KLHL1: variants seen among roughly 807,000 people sequenced by gnomAD.
KLHL1 encodes kelch-like protein 1.
KLHL1 carries 47 observed loss-of-function variants against 77.7 expected under a neutral mutation model. The ratio of observed to expected loss-of-function variants is 0.60; its 90% CI spans 0.48 to 0.77. The LOEUF is 0.77. Among genes scored for constraint, KLHL1 ranks in the 30% least tolerant of loss-of-function variants. The pLI, the probability that KLHL1 is intolerant of heterozygous loss-of-function variation, is 0.00. For missense variants in KLHL1, 925 were observed against 910.8 expected (o/e 1.02, Z -0.20); for synonymous variants, 360 against 325.2 (o/e 1.11, Z -1.15).
chr13:69,938,882 C>T (rs752560341), intron 4 of KLHL1, among the ~76,000 whole-genome samples: 1 of 151,836 alleles, frequency 6.6e-6, no homozygotes, highest in Non-Finnish European at 1.5e-5. Flanking sequence ...TTCAAAATGG[C>T]AATCAGAATA....
intron 1 of KLHL1, among the ~76,000 whole-genome samples, chr13:70,067,539 G>T (rs959490324): frequency 1.3e-5 from 2 of 152,098 alleles, no homozygotes; most frequent in Admixed American, 6.5e-5. Flanking sequence ...CCAGGCTGTG[G>T]TTCAAATAAG....
chr13:70,054,725 T>TA (rs369139534), intron 1 of KLHL1, among the ~76,000 whole-genome samples: 4,015 of 141,750 alleles, frequency 0.028, 64 homozygotes, highest in Non-Finnish European at 0.041. Context: ...ACTGCAATAT[T>TA]AAAAAAAAAA....
At chr13:69,922,346 C>A (rs1176047825) in intron 4 of KLHL1, among the ~76,000 whole-genome samples, 1 of 151,886 alleles carries the variant, frequency 6.6e-6, no homozygotes, top group Non-Finnish European at 1.5e-5. Context: ...TGTAAGGACA[C>A]AAAGTGGTGA....
chr13:69,904,404 T>C (rs1379395923), intron 4 of KLHL1, among the ~76,000 whole-genome samples: 1 of 152,194 alleles, frequency 6.6e-6, no homozygotes, highest in Admixed American at 6.5e-5. Context: ...AATATCTTTA[T>C]AAATCTCCAA....
At chr13:70,064,512 G>A (rs1886961632) in intron 1 of KLHL1, among the ~76,000 whole-genome samples, 3 of 152,106 alleles carry the variant, frequency 2.0e-5, no homozygotes, top group Non-Finnish European at 4.4e-5. Context: ...AAAAGCTGCT[G>A]CTTCACGTTA....
At chr13:70,103,029 T>A (rs917949665) in intron 1 of KLHL1, among the ~76,000 whole-genome samples, 1 of 152,120 alleles carries the variant, frequency 6.6e-6, no homozygotes, top group African/African-American at 2.4e-5. Flanking sequence ...AGAATTTTTT[T>A]AAAAAGTAGA....
At chr13:69,716,451 T>C (rs989332648) in intron 9 of KLHL1, among the ~76,000 whole-genome samples, 2 of 152,150 alleles carry the variant, frequency 1.3e-5, no homozygotes, top group Non-Finnish European at 2.9e-5. Context: ...ATGTTAATAA[T>C]TGGTACAGAG....
At chr13:69,710,823 T>A (rs915958552) in intron 9 of KLHL1, among the ~76,000 whole-genome samples, 10 of 152,032 alleles carry the variant, frequency 6.6e-5, no homozygotes, top group African/African-American at 2.4e-4. Context: ...TGTTTGTTTT[T>A]TTAATAAGGT....
intron 1 of KLHL1, among the ~76,000 whole-genome samples, chr13:70,057,866 A>C (rs1886787965): frequency 6.6e-6 from 1 of 152,070 alleles, no homozygotes; most frequent in Admixed American, 6.5e-5. Context: ...TGATGCAAAA[A>C]TCCTCAATAA....
chr13:70,041,100 T>C (rs940281446), intron 1 of KLHL1, among the ~76,000 whole-genome samples: 1 of 152,190 alleles, frequency 6.6e-6, no homozygotes, highest in Non-Finnish European at 1.5e-5. Flanking sequence ...GGTTCTTCAT[T>C]GTCTCTTCTA....
chr13:69,865,387 A>C (rs566947653), intron 5 of KLHL1, among the ~76,000 whole-genome samples: 2 of 152,338 alleles, frequency 1.3e-5, no homozygotes, highest in Non-Finnish European at 2.9e-5. Flanking sequence ...CAAGTAGTTT[A>C]ATAACTACAT....
chr13:69,995,664 G>C (rs527733563), intron 1 of KLHL1, among the ~76,000 whole-genome samples: 2 of 152,164 alleles, frequency 1.3e-5, no homozygotes, highest in South Asian at 4.1e-4. Context: ...TGTGATCCCT[G>C]AATTGAAGTA....
chr13:69,973,991 A>T (rs963788405), intron 2 of KLHL1, among the ~76,000 whole-genome samples: 1 of 151,888 alleles, frequency 6.6e-6, no homozygotes, highest in Non-Finnish European at 1.5e-5. Context: ...TCTTGTTTCC[A>T]CAAGCGTCTT....
chr13:69,873,248 T>C (rs1165712491), intron 5 of KLHL1, among the ~76,000 whole-genome samples: 1 of 152,176 alleles, frequency 6.6e-6, no homozygotes, highest in South Asian at 2.1e-4. Context: ...CCTAGTAACA[T>C]CTGCAAACAC....
At chr13:69,935,283 A>AGTTCACCTACTGGTGAACGT (rs1431328675) in intron 4 of KLHL1, among the ~76,000 whole-genome samples, 20 of 152,004 alleles carry the variant, frequency 1.3e-4, no homozygotes, top group Non-Finnish European at 1.9e-4. Context: ...CTTGGTACAT[A>AGTTCACCTACTGGTGAACGT]GCAGTCAATA....
chr13:69,757,814 T>A (rs1874825364), intron 7 of KLHL1, among the ~76,000 whole-genome samples: 3 of 151,548 alleles, frequency 2.0e-5, no homozygotes, highest in Admixed American at 2.0e-4. Context: ...AAAATTAGCT[T>A]GGCGTGGTGG....
chr13:69,751,251 T>C (rs146819254), intron 7 of KLHL1, among the ~76,000 whole-genome samples: 3 of 152,116 alleles, frequency 2.0e-5, no homozygotes, highest in East Asian at 3.9e-4. Flanking sequence ...TTTATTGTTA[T>C]GCAACTTGCA....
At chr13:69,811,790 T>C (rs976895119) in intron 6 of KLHL1, among the ~76,000 whole-genome samples, 3 of 152,202 alleles carry the variant, frequency 2.0e-5, no homozygotes, top group South Asian at 4.1e-4. Flanking sequence ...GATTCTTCTC[T>C]CTTTTCTTCT....
At chr13:69,927,928 G>A (rs1227911206) in intron 4 of KLHL1, among the ~76,000 whole-genome samples, 1 of 152,116 alleles carries the variant, frequency 6.6e-6, no homozygotes, top group Admixed American at 6.6e-5. Flanking sequence ...ACAATAACTT[G>A]TATATGAATG....
Sources: allele counts gnomAD v4.1 joint callset (sites outside exome capture counted in the v4.1 genomes callset), GRCh38; gene constraint gnomAD v4.1.1; transcripts MANE v1.5; gene names NCBI Gene and HGNC (gene_info 2026-07-23, HGNC 2026-07-21).